Variants in ARHGAP39 observed in about 807,000 individuals in gnomAD.
ARHGAP39 encodes the protein Rho GTPase activating protein 39, also known as rho GTPase-activating protein 39.
Under a neutral mutation model 106.9 loss-of-function variants are expected in ARHGAP39, and 44 were observed. The ratio of observed to expected loss-of-function variants is 0.41; its 90% CI spans 0.32 to 0.53. The LOEUF (loss-of-function observed/expected upper bound fraction) is 0.53. Ranked by LOEUF, ARHGAP39 falls within the 20% of genes least tolerant of loss-of-function variation. The probability of loss-of-function intolerance (pLI) is 0.21; values close to 1 mark genes in which losing one functional copy is unlikely to be tolerated. For synonymous variants in ARHGAP39, 768 were observed against 693.2 expected, an observed-to-expected ratio of 1.11 and a Z score of -1.69; for missense variants, 1,496 against 1,577.3, an observed-to-expected ratio of 0.95 and a Z score of 0.87.
intron 3 of ARHGAP39, among the ~76,000 whole-genome samples, chr8:144,561,080 G>A (rs1279346429): frequency 6.6e-6 from 1 of 151,732 alleles, no homozygotes; most frequent in African/African-American, 2.4e-5. Flanking sequence ...AGCTGCTTGA[G>A]GAGTTGAGGA....
chr8:144,660,889 CAGG>C (rs1821804593), intron 1 of ARHGAP39, among the ~76,000 whole-genome samples: 1 of 152,072 alleles, frequency 6.6e-6, no homozygotes, highest in African/African-American at 2.4e-5. Context: ...GACGCTGAGG[CAGG>C]AGAATTGCTT....
intron 6 of ARHGAP39, among the ~76,000 whole-genome samples, chr8:144,541,454 A>G (rs1377497141): frequency 2.6e-5 from 4 of 152,344 alleles, no homozygotes; most frequent in Non-Finnish European, 5.9e-5. Flanking sequence ...GTACATTTAC[A>G]TTGTTGTACA....
chr8:144,685,701 G>C lies in ARHGAP39; in HGVS notation c.-97C>G, dbSNP rs2129785430. Among the ~76,000 whole-genome samples, 1 of 147,856 alleles carries C rather than the reference G, an allele frequency of 6.8e-6. No homozygotes were observed. Among genetic ancestry groups the C allele is most frequent in the South Asian group, 2.1e-4 (1 of 4,818 alleles). ...GCGCTCTCACCGGCCGGCTGCGCGC[G>C]GGCCGCGCCGCCACAGTCCCTCATC... On this transcript the variant is annotated 5_prime_UTR_variant, in exon 1 of 12. Coordinates refer to ENST00000377307, the MANE Select transcript of ARHGAP39 (RefSeq NM_025251.3).
chr8:144,546,752 G>A (rs1056491569), intron 5 of ARHGAP39, among the ~76,000 whole-genome samples: 37 of 152,086 alleles, frequency 2.4e-4, no homozygotes, highest in African/African-American at 8.5e-4. Flanking sequence ...GGGAACCCCC[G>A]ACACCTTGGC....
At chr8:144,612,146 A>C (rs1406569990) in intron 1 of ARHGAP39, among the ~76,000 whole-genome samples, 4 of 151,778 alleles carry the variant, frequency 2.6e-5, no homozygotes, top group Non-Finnish European at 4.4e-5. Context: ...GCGCCGCTGC[A>C]CTCCAGCCAG....
In ARHGAP39 at chr8:144,555,111, A is replaced by AG. The variant is rs1259495707; in HGVS notation, c.596+448dup. On this transcript the variant is annotated intron_variant, in intron 4 of 11. Coordinates refer to ENST00000377307, the MANE Select transcript of ARHGAP39 (RefSeq NM_025251.3). ...CCAGCGTGAAGGCAGTAGGGTCTTG[A>AG]GGGTGGTCTCCAGAACCTTCCAGCA... Among the ~76,000 whole-genome samples, 4 of 152,340 alleles carry AG rather than the reference A, an allele frequency of 2.6e-5. No individual in the cohort carries two copies. The East Asian group carries it at 7.7e-4, about 29-fold the overall frequency.
chr8:144,621,529 G>A (rs896298776), intron 1 of ARHGAP39, among the ~76,000 whole-genome samples: 5 of 152,236 alleles, frequency 3.3e-5, no homozygotes, highest in African/African-American at 4.8e-5. Context: ...GTGGGAGGAA[G>A]ACAGTGGTGA....
intron 6 of ARHGAP39, 50 bp downstream of exon 6, chr8:144,545,197 CCT>C (rs1336878122): frequency 7.7e-6 from 11 of 1,421,326 alleles, no homozygotes; most frequent in Non-Finnish European, 1.0e-5. Context: ...CAGCAGGAGC[CCT>C]CTCCACTGCC....
chr8:144,553,403 C>T (rs142962348), intron 4 of ARHGAP39, among the ~76,000 whole-genome samples: 7 of 152,326 alleles, frequency 4.6e-5, no homozygotes, highest in African/African-American at 1.2e-4. Context: ...CCCACCTCCA[C>T]GTATCATGAG....
At chr8:144,559,354 CAAAAAAAAAAA>C (rs59435627) in intron 3 of ARHGAP39, among the ~76,000 whole-genome samples, 4 of 42,896 alleles carry the variant, frequency 9.3e-5, no homozygotes, top group Non-Finnish European at 1.5e-4. Flanking sequence ...ACTTTGTCTC[CAAAAAAAAAAA>C]AAAAAAAAAA....
At chr8:144,534,610 C>A (rs1173039039) in intron 7 of ARHGAP39, among the ~76,000 whole-genome samples, 5 of 152,316 alleles carry the variant, frequency 3.3e-5, no homozygotes, top group African/African-American at 4.8e-5. Context: ...GGGCAGGAGC[C>A]CCTGGAGGAG....
chr8:144,539,689 C>A (rs774938800), intron 6 of ARHGAP39, among the ~76,000 whole-genome samples: 3 of 152,186 alleles, frequency 2.0e-5, no homozygotes, highest in African/African-American at 4.8e-5. Flanking sequence ...ACTAAGTTGC[C>A]TTTGCAGCAC....
At position 144,529,239 on chromosome 8, in the gene ARHGAP39, G is replaced by A. The variant is rs1641086124; in HGVS notation, c.*1183C>T. On this transcript the variant is annotated 3_prime_UTR_variant, in exon 12 of 12. Transcript: ENST00000377307. ...GCCTCTCGGGTCCATGCGTCGGGGC[G>A]AGCGTCTCAGCCGGGCGGGACCGCA... 2 of 245,658 alleles carry A rather than the reference G, an allele frequency of 8.1e-6. No homozygotes were observed. Among genetic ancestry groups the A allele is most frequent in the African/African-American group, 2.3e-5 (1 of 44,064 alleles). 15.2% of individuals were successfully genotyped at this position (245,658 alleles called of 1,614,324 possible).
At chr8:144,660,330 T>C (rs968291782) in intron 1 of ARHGAP39, among the ~76,000 whole-genome samples, 1 of 152,066 alleles carries the variant, frequency 6.6e-6, no homozygotes, top group African/African-American at 2.4e-5. Context: ...CAGCCTTTCC[T>C]CCCCTAACCC....
At chr8:144,686,668 T>A (rs971887081), upstream of ARHGAP39, among the ~76,000 whole-genome samples, 4 of 152,298 alleles carry the variant, frequency 2.6e-5, no homozygotes, top group African/African-American at 9.6e-5. Context: ...AGATCTCCCG[T>A]CGGGCTGTCT....
intron 1 of ARHGAP39, among the ~76,000 whole-genome samples, chr8:144,653,232 T>C (rs1821616775): frequency 1.3e-5 from 2 of 151,972 alleles, no homozygotes; most frequent in African/African-American, 4.8e-5. Flanking sequence ...ACCCGGGAAG[T>C]GGAGGTTGCA....
In ARHGAP39 at chr8:144,641,501, A is replaced by G. The variant is rs1249722325; in HGVS notation, c.-81-35806T>C. 5.3e-5 allele frequency among the ~76,000 whole-genome samples: 8 copies of G among 151,672 alleles called. No individual in the cohort carries two copies. Among genetic ancestry groups the G allele is most frequent in the African/African-American group, 1.7e-4 (7 of 41,384 alleles). On this transcript the variant is annotated intron_variant, in intron 1 of 11. Coordinates refer to ENST00000377307, the MANE Select transcript of ARHGAP39 (RefSeq NM_025251.3). This position sits in a 1 kb window ranked among gnomAD's most constrained non-coding sequence, Gnocchi z 5.2. ...CAACTCCCGAGGCAGGAGCTCAGGC[A>G]GGGCCCTGGCAGCACCACCTGACCT...
At chr8:144,576,698 G>A (rs1818790600) in intron 3 of ARHGAP39, among the ~76,000 whole-genome samples, 1 of 152,202 alleles carries the variant, frequency 6.6e-6, no homozygotes, top group South Asian at 2.1e-4. Flanking sequence ...GCGCAGGCCC[G>A]AAGCCGTCCA....
intron 3 of ARHGAP39, among the ~76,000 whole-genome samples, chr8:144,556,428 A>G (rs903596624): frequency 5.3e-5 from 8 of 152,364 alleles, no homozygotes; most frequent in African/African-American, 1.7e-4. Flanking sequence ...GATCAAACCG[A>G]TAAGTATTTA....
Sources: allele counts gnomAD v4.1 joint callset (sites outside exome capture counted in the v4.1 genomes callset), GRCh38; gene constraint gnomAD v4.1.1; non-coding constraint Gnocchi (gnomAD v3.1); transcripts MANE v1.5; gene names NCBI Gene and HGNC (gene_info 2026-07-23, HGNC 2026-07-21).